Variants in FBL observed in about 807,000 individuals in gnomAD.
The protein encoded by FBL is fibrillarin rRNA 2'-O-methyltransferase.
A neutral mutation model predicts 42.2 loss-of-function variants in FBL; 10 were observed. The ratio of observed to expected loss-of-function variants is 0.24; its 90% CI spans 0.15 to 0.40. The LOEUF is 0.40. Ranked by LOEUF, FBL falls within the 10% of genes least tolerant of loss-of-function variation. The probability of loss-of-function intolerance (pLI) is 1.00; values close to 1 mark genes in which losing one functional copy is unlikely to be tolerated. For missense variants in FBL, 351 were observed against 439.2 expected (o/e 0.80, Z 1.79); for synonymous variants, 165 against 165.4 (o/e 1.00, Z 0.02).
At chr19:39,835,049 G>A (rs1479159097) in intron 7 of FBL, among the ~76,000 whole-genome samples, 2 of 152,192 alleles carry the variant, frequency 1.3e-5, no homozygotes, top group African/African-American at 4.8e-5. Flanking sequence ...ATAGAGTAAT[G>A]CTATTATCAC....
At chr19:39,839,873 A>G (rs1320985826) in intron 4 of FBL, among the ~76,000 whole-genome samples, 1 of 152,140 alleles carries the variant, frequency 6.6e-6, no homozygotes, top group Non-Finnish European at 1.5e-5. Context: ...GAGTGGTGTG[A>G]CGCAGCCTGG....
At position 39,840,343 on chromosome 19, in the gene FBL, A is replaced by C. The variant is rs770600761; in HGVS notation, c.284-16T>G. 3.3e-5 allele frequency: 54 copies of C among 1,612,648 alleles called. No homozygotes were observed. The highest frequency in any genetic ancestry group is 8.3e-5 in the Admixed American group (5 of 60,008). On this transcript the variant is annotated splice_polypyrimidine_tract_variant and intron_variant, in intron 3 of 8. Coordinates refer to ENST00000221801, the MANE Select transcript of FBL (RefSeq NM_001436.4). This position sits in a 1 kb window ranked among gnomAD's most constrained non-coding sequence, Gnocchi z 4.5. The stretch of plus-strand genomic sequence containing the variant: ...ATGAAGACACCTGGGTGAGGGGATC[A>C]GAGCAGGGGTGAGGACCCCCAGCCT...
At chr19:39,835,290 G>A (rs1222467807) in intron 7 of FBL, among the ~76,000 whole-genome samples, 1 of 152,026 alleles carries the variant, frequency 6.6e-6, no homozygotes, top group African/African-American at 2.4e-5. Flanking sequence ...GGAGGCCGAG[G>A]TGGCTCAATC....
At chr19:39,835,510 T>TC in intron 7 of FBL, among the ~76,000 whole-genome samples, 1 of 151,874 alleles carries the variant, frequency 6.6e-6, no homozygotes, top group Non-Finnish European at 1.5e-5. Context: ...AGAGTAAGAC[T>TC]CCATCTCAAA....
chr19:39,846,332 C>G lies in FBL; in HGVS notation c.-32G>C, dbSNP rs370884137. ...CCCTGGTTTGTGCGGCTCCGGAGTC[C>G]GCGGCGTTCACAACTCCACGAGTCC... On this transcript the variant is annotated 5_prime_UTR_variant, in exon 1 of 9. Transcript: ENST00000221801. 2.2e-4 allele frequency: 359 copies of G among 1,612,352 alleles called. No homozygotes were observed. Among genetic ancestry groups the G allele is most frequent in the Non-Finnish European group, 3.0e-4 (352 of 1,179,340 alleles).
intron 1 of FBL, 45 bp downstream of exon 1, chr19:39,846,246 C>T (rs768876295): frequency 6.2e-7 from 1 of 1,612,482 alleles, no homozygotes; most frequent in Non-Finnish European, 8.5e-7. Flanking sequence ...CCCGGATTCC[C>T]GCCCGGCCTC....
At chr19:39,839,258 A>G (rs1969110846) in intron 4 of FBL, 53 bp from the exon 5 acceptor site, 2 of 1,455,626 alleles carry the variant, frequency 1.4e-6, no homozygotes, top group Non-Finnish European at 1.9e-6. Context: ...GCAGGACCTC[A>G]CTGCCTTTAA....
rs1298758149 is a variant in FBL at position 39,846,191 on chromosome 19, C to T, written c.10+100G>A. On this transcript the variant is annotated intron_variant, in intron 1 of 8. Transcript: ENST00000221801. ...GAGACTGGAACCCGTGCTCAGAACC[C>T]CTGCCCCCAGGCCAAGGCCCCACCC... The T allele has an allele frequency of 1.1e-5, 16 of 1,409,560 alleles. No individual in the cohort carries two copies. In the South Asian group the frequency reaches 1.5e-4, roughly 13 times the overall value. The allele number at this position is 1,409,560 out of a possible 1,614,324, so 87.3% of individuals were successfully genotyped here.
At chr19:39,843,154 T>C (rs1312823905) in intron 1 of FBL, among the ~76,000 whole-genome samples, 1 of 152,126 alleles carries the variant, frequency 6.6e-6, no homozygotes, top group Non-Finnish European at 1.5e-5. Context: ...AAGATCAAGC[T>C]CCAAATGGGC....
At chr19:39,846,056 G>A (rs1265542849) in intron 1 of FBL, among the ~76,000 whole-genome samples, 1 of 152,052 alleles carries the variant, frequency 6.6e-6, no homozygotes, top group African/African-American at 2.4e-5. Flanking sequence ...CGAACCCCAC[G>A]TCAACACCCC....
chr19:39,843,083 C>A (rs1255488923), intron 1 of FBL, among the ~76,000 whole-genome samples: 1 of 152,160 alleles, frequency 6.6e-6, no homozygotes, highest in Non-Finnish European at 1.5e-5. Context: ...TGCTTTATTT[C>A]CCTTCAAATC....
At position 39,840,390 on chromosome 19, in the gene FBL, C is replaced by G. The variant is rs201702222; in HGVS notation, c.283+24G>C. On this transcript the variant is annotated intron_variant, in intron 3 of 8. Coordinates refer to ENST00000221801, the MANE Select transcript of FBL (RefSeq NM_001436.4). The surrounding 1 kb of genome is among the most constrained non-coding windows in gnomAD (Gnocchi z 4.5). Reference sequence around the variant, plus strand: ...GCCTCTCCCTGCCCCGAAGCTCAGCCGGCTCCCTGCCTTCCTCACTCACCC... The same window carrying G: ...GCCTCTCCCTGCCCCGAAGCTCAGCGGGCTCCCTGCCTTCCTCACTCACCC... 8 of 1,613,262 alleles carry G rather than the reference C, an allele frequency of 5.0e-6. No individual in the cohort carries two copies. Among genetic ancestry groups the G allele is most frequent in the African/African-American group, 1.3e-5 (1 of 74,888 alleles).
chr19:39,837,691 G>A lies in FBL; in HGVS notation c.682+20C>T. Reference sequence around the variant, plus strand: ...CGGTGGCCTGTCCTACCCCACCGGGGCCACCCCCAGACCCCTCACCGATGA... The same window carrying A: ...CGGTGGCCTGTCCTACCCCACCGGGACCACCCCCAGACCCCTCACCGATGA... On this transcript the variant is annotated intron_variant, in intron 6 of 8. Coordinates refer to ENST00000221801, the MANE Select transcript of FBL (RefSeq NM_001436.4). 2 of 1,542,606 alleles carry A rather than the reference G, an allele frequency of 1.3e-6. No individual in the cohort carries two copies. The highest frequency in any genetic ancestry group is 1.7e-6 in the Non-Finnish European group (2 of 1,149,820).
At position 39,846,321 on chromosome 19, in the gene FBL, G is replaced by T; in HGVS notation, c.-21C>A. ...TTCATGGCGAGCCCTGGTTTGTGCG[G>T]CTCCGGAGTCCGCGGCGTTCACAAC... On this transcript the variant is annotated 5_prime_UTR_variant, in exon 1 of 9. Coordinates refer to ENST00000221801, the MANE Select transcript of FBL (RefSeq NM_001436.4). 1 of 1,613,032 alleles carries T rather than the reference G, an allele frequency of 6.2e-7. No individual in the cohort carries two copies. The highest frequency in any genetic ancestry group is 8.5e-7 in the Non-Finnish European group (1 of 1,179,542).
chr19:39,840,370 T>C lies in FBL; in HGVS notation c.284-43A>G, dbSNP rs1599657688. 1 of 1,609,090 alleles carries C rather than the reference T, an allele frequency of 6.2e-7. No homozygotes were observed. The highest frequency in any genetic ancestry group is 8.5e-7 in the Non-Finnish European group (1 of 1,175,428). On this transcript the variant is annotated intron_variant, in intron 3 of 8. Transcript: ENST00000221801. This position sits in a 1 kb window ranked among gnomAD's most constrained non-coding sequence, Gnocchi z 4.5. ...AGCAGGGGTGAGGACCCCCAGCCTC[T>C]CCCTGCCCCGAAGCTCAGCCGGCTC...
intron 1 of FBL, among the ~76,000 whole-genome samples, chr19:39,841,186 C>A (rs563047688): frequency 2.0e-4 from 31 of 152,124 alleles, no homozygotes; most frequent in Non-Finnish European, 3.8e-4. Flanking sequence ...ATTCTCCTGC[C>A]TCGGTCTCTG....
In FBL at chr19:39,834,507, A is replaced by G. The variant is rs756130312; in HGVS notation, c.*31T>C. 1 of 1,613,556 alleles carries G rather than the reference A, an allele frequency of 6.2e-7. No individual in the cohort carries two copies. The highest frequency in any genetic ancestry group is 8.5e-7 in the Non-Finnish European group (1 of 1,179,502). On this transcript the variant is annotated 3_prime_UTR_variant, in exon 9 of 9. Transcript: ENST00000221801. ...AACACACGTGCAACAGTATCAACAC[A>G]CATCTCTCGCAATCCTGACAGCGCT...
intron 1 of FBL, among the ~76,000 whole-genome samples, chr19:39,843,107 G>A (rs1192336088): frequency 6.6e-6 from 1 of 152,084 alleles, no homozygotes; most frequent in African/African-American, 2.4e-5. Context: ...TATCACACAT[G>A]GCATTTTTAA....
chr19:39,837,686 C>T (rs775688336), intron 6 of FBL, 25 bp downstream of exon 6: 16 of 1,539,594 alleles, frequency 1.0e-5, no homozygotes, highest in Admixed American at 2.1e-5. Context: ...TCCTACCCCA[C>T]CGGGGCCACC....
Sources: allele counts gnomAD v4.1 joint callset (sites outside exome capture counted in the v4.1 genomes callset), GRCh38; gene constraint gnomAD v4.1.1; non-coding constraint Gnocchi (gnomAD v3.1); transcripts MANE v1.5; gene names NCBI Gene and HGNC (gene_info 2026-07-23, HGNC 2026-07-21).